The following KIF6 variants were observed in gnomAD, a reference collection of about 807,000 sequenced individuals.
KIF6 encodes kinesin-like protein KIF6.
In KIF6, 106 loss-of-function variants were observed where a neutral mutation model predicts 112.7. That is an observed-to-expected ratio of 0.94 (90% confidence interval 0.80 to 1.11). The LOEUF is 1.11. Among genes scored for constraint, KIF6 ranks in the 50% least tolerant of loss-of-function variants. The pLI, the probability that KIF6 is intolerant of heterozygous loss-of-function variation, is 0.00. For synonymous variants in KIF6, 339 were observed against 339.9 expected, an observed-to-expected ratio of 1.00 and a Z score of 0.03; for missense variants, 929 against 964.0, an observed-to-expected ratio of 0.96 and a Z score of 0.48.
At chr6:39,606,927 C>T (rs1210260424) in intron 6 of KIF6, among the ~76,000 whole-genome samples, 1 of 152,178 alleles carries the variant, frequency 6.6e-6, no homozygotes, top group Non-Finnish European at 1.5e-5. Flanking sequence ...GGTTGGAGGA[C>T]ATATGAGTTG....
intron 14 of KIF6, 36 bp from the exon 15 acceptor site, chr6:39,420,039 G>C (rs775944743): frequency 4.2e-6 from 6 of 1,424,852 alleles, no homozygotes; most frequent in South Asian, 1.1e-5. Flanking sequence ...TAGTTTTTCT[G>C]TTCATCCTAC....
At chr6:39,613,977 A>G (rs1409537492) in intron 5 of KIF6, among the ~76,000 whole-genome samples, 4 of 152,112 alleles carry the variant, frequency 2.6e-5, no homozygotes, top group African/African-American at 4.8e-5. Context: ...TTTTAGTCAG[A>G]GCCTTAGATC....
At chr6:39,469,332 T>C (rs958062702) in intron 13 of KIF6, among the ~76,000 whole-genome samples, 2 of 152,072 alleles carry the variant, frequency 1.3e-5, no homozygotes, top group Non-Finnish European at 2.9e-5. Context: ...AATACTATCA[T>C]TAATGCAAAT....
chr6:39,347,774 C>T (rs1389252636), intron 19 of KIF6, among the ~76,000 whole-genome samples: 1 of 152,192 alleles, frequency 6.6e-6, no homozygotes, highest in African/African-American at 2.4e-5. Flanking sequence ...TGAGTATGGC[C>T]CCTTCCCCGG....
chr6:39,409,941 T>C (rs1468181283), intron 15 of KIF6, among the ~76,000 whole-genome samples: 1 of 152,234 alleles, frequency 6.6e-6, no homozygotes, highest in Non-Finnish European at 1.5e-5. Flanking sequence ...TTCTAATCAA[T>C]ACAAGACAAT....
At chr6:39,454,686 G>A (rs1226692536) in intron 13 of KIF6, among the ~76,000 whole-genome samples, 1 of 152,210 alleles carries the variant, frequency 6.6e-6, no homozygotes, top group Non-Finnish European at 1.5e-5. Flanking sequence ...GCCGAAGCAG[G>A]GCGAGGCATT....
Position 39,720,570 on chromosome 6 carries a change from T to C in KIF6, c.176+132A>G, listed in dbSNP as rs1469821008. On this transcript the variant is annotated intron_variant, in intron 2 of 22. Transcript: ENST00000287152. ...AAAAGGCAACTTGAGTTCAGTCTAC[T>C]AGGTGAGATGAAGAGCTGCGTTGCA... is the stretch of plus-strand genomic sequence containing the variant. 5.0e-6 allele frequency: 3 copies of C among 599,428 alleles called. No homozygotes were observed. The African/African-American group carries it at 5.5e-5, about 11-fold the overall frequency. The allele number at this position is 599,428 out of a possible 1,614,324, so 37.1% of individuals were successfully genotyped here.
At chr6:39,724,394 A>G (rs1790409270) in intron 1 of KIF6, among the ~76,000 whole-genome samples, 1 of 145,766 alleles carries the variant, frequency 6.9e-6, no homozygotes, top group East Asian at 2.1e-4. Flanking sequence ...CAGAGCTTGC[A>G]GTGAGCCGAG....
intron 3 of KIF6, among the ~76,000 whole-genome samples, chr6:39,656,028 C>A (rs932128249): frequency 3.3e-5 from 5 of 152,208 alleles, no homozygotes; most frequent in Non-Finnish European, 5.9e-5. Context: ...TTCAGTGATA[C>A]ACTGACTTAG....
At chr6:39,696,388 T>C (rs1395415106) in intron 3 of KIF6, among the ~76,000 whole-genome samples, 1 of 152,124 alleles carries the variant, frequency 6.6e-6, no homozygotes, top group Non-Finnish European at 1.5e-5. Context: ...AGGTGCATAA[T>C]TGAGCTGGAG....
At chr6:39,337,048 T>TTTTCTTTC (rs140198007) in intron 22 of KIF6, among the ~76,000 whole-genome samples, 8 of 128,106 alleles carry the variant, frequency 6.2e-5, no homozygotes, top group African/African-American at 2.4e-4. Context: ...CTTCCTTCCT[T>TTTTCTTTC]TTTCTTTCTT....
chr6:39,340,998 T>C (rs889821121), intron 22 of KIF6, among the ~76,000 whole-genome samples: 6 of 152,124 alleles, frequency 3.9e-5, no homozygotes, highest in African/African-American at 1.2e-4. Context: ...TCAAGGAAGT[T>C]TTTCCTGCAG....
chr6:39,577,913 T>G (rs12697946), intron 10 of KIF6, 143 bp downstream of exon 10: 91,337 of 583,202 alleles, frequency 0.16, 8,350 homozygotes, highest in Middle Eastern at 0.26. Context: ...AAGCCGCCAC[T>G]CTTAACTGGC....
At chr6:39,401,832 T>C (rs1430289892) in intron 15 of KIF6, among the ~76,000 whole-genome samples, 2 of 152,158 alleles carry the variant, frequency 1.3e-5, no homozygotes, top group Admixed American at 1.3e-4. Context: ...CTGAAAAATA[T>C]TACTACTGCC....
At chr6:39,340,355 G>A (rs1233780586) in intron 22 of KIF6, among the ~76,000 whole-genome samples, 4 of 61,456 alleles carry the variant, frequency 6.5e-5, no homozygotes, top group South Asian at 4.1e-4. Flanking sequence ...CACTCCCCTC[G>A]TCAATGCTGG....
rs1562097714 is a variant in KIF6, at chr6:39,332,361, CTGGTTTCTTTT to C, written c.*4160_*4170del. ...ATTGTGGATTCTATATTGTTGGATG[CTGGTTTCTTTT>C]TGGTTTGTTTTTCATATTCCTTTAG... On this transcript the variant is annotated 3_prime_UTR_variant, in exon 23 of 23. Transcript: ENST00000287152. 1.3e-5 allele frequency: 2 copies of C among 151,962 alleles called. No individual in the cohort carries two copies. The highest frequency in any genetic ancestry group is 1.3e-4 in the Admixed American group (2 of 15,252). The allele number at this position is 151,962 out of a possible 1,614,324, so 9.4% of individuals were successfully genotyped here. A position where few individuals can be genotyped will look rare whatever the true frequency, so the allele number is the denominator to read the frequency against.
intron 17 of KIF6, 91 bp from the exon 18 acceptor site, chr6:39,360,621 G>C (rs1488633769): frequency 1.4e-6 from 2 of 1,480,394 alleles, no homozygotes; most frequent in Non-Finnish European, 1.9e-6. Context: ...CCGTGCCTCA[G>C]AATCCCGTCA....
chr6:39,410,405 A>G (rs1769400621), intron 15 of KIF6, among the ~76,000 whole-genome samples: 1 of 152,254 alleles, frequency 6.6e-6, no homozygotes. Context: ...TATTTGAAAG[A>G]GATTCAACTT....
chr6:39,412,478 T>C (rs79029903), intron 15 of KIF6, among the ~76,000 whole-genome samples: 81 of 152,370 alleles, frequency 5.3e-4, no homozygotes, highest in African/African-American at 1.9e-3. Context: ...CGTGATCAAA[T>C]ACATTTTCAA....
Sources: allele counts gnomAD v4.1 joint callset (sites outside exome capture counted in the v4.1 genomes callset), GRCh38; gene constraint gnomAD v4.1.1; transcripts MANE v1.5; gene names NCBI Gene and HGNC (gene_info 2026-07-23, HGNC 2026-07-21).